IL1RAPL1: variants seen among roughly 807,000 people sequenced by gnomAD.
The protein encoded by IL1RAPL1 is interleukin 1 receptor accessory protein like 1.
In IL1RAPL1, 3 loss-of-function variants were observed where a neutral mutation model predicts 48.4. That is an observed-to-expected ratio of 0.06 (90% CI 0.03 to 0.16). IL1RAPL1 has a LOEUF of 0.16. Among genes scored for constraint, IL1RAPL1 ranks in the 10% least tolerant of loss-of-function variants. The pLI, the probability that IL1RAPL1 is intolerant of heterozygous loss-of-function variation, is 1.00. For missense variants in IL1RAPL1, 349 were observed against 530.6 expected, an observed-to-expected ratio of 0.66 and a Z score of 3.36; for synonymous variants, 185 against 187.7, an observed-to-expected ratio of 0.99 and a Z score of 0.12.
intron 1 of IL1RAPL1, among the ~76,000 whole-genome samples, chrX:28,759,002 C>T (rs1454455954): frequency 1.8e-5 from 2 of 111,916 alleles, no homozygotes; most frequent in East Asian, 2.8e-4. Context: ...TTTGGGAGGC[C>T]GAGGAGGGCA....
At chrX:29,552,802 C>CTTTTTTT (rs765234944) in intron 5 of IL1RAPL1, among the ~76,000 whole-genome samples, 24 of 23,006 alleles carry the variant, frequency 1.0e-3, no homozygotes, top group East Asian at 2.2e-3. Flanking sequence ...TTTCACTCTC[C>CTTTTTTT]TTTTTTTTTT....
intron 6 of IL1RAPL1, among the ~76,000 whole-genome samples, chrX:29,698,367 C>A (rs920818806): frequency 9.0e-6 from 1 of 110,647 alleles, no homozygotes; most frequent in Admixed American, 9.7e-5. Context: ...GCTTAAATAT[C>A]AAATCCTCAA....
At chrX:28,710,820 G>A (rs192407236) in intron 1 of IL1RAPL1, among the ~76,000 whole-genome samples, 14 of 111,707 alleles carry the variant, frequency 1.3e-4, no homozygotes, top group Middle Eastern at 4.7e-3. Context: ...TGAAACCTGC[G>A]GAATATTTCC....
chrX:29,734,669 T>C (rs1171077365), intron 6 of IL1RAPL1, among the ~76,000 whole-genome samples: 1 of 112,326 alleles, frequency 8.9e-6, no homozygotes, highest in African/African-American at 3.2e-5. Flanking sequence ...TTTGGAAACA[T>C]CTCCCTTCAA....
In IL1RAPL1 at chrX:29,124,766, G is replaced by A. The variant is rs193289673; in HGVS notation, c.83-158172G>A. On this transcript the variant is annotated intron_variant, in intron 2 of 10. Coordinates refer to ENST00000378993, the MANE Select transcript of IL1RAPL1 (RefSeq NM_014271.4). The stretch of plus-strand genomic sequence containing the variant: ...ATAGAGCATATAAAAGAATAAGAAA[G>A]TAATGATAAAACAGAACTTACAGTG... 1.3e-3 allele frequency among the ~76,000 whole-genome samples: 146 copies of A among 112,038 alleles called. 1 individual carries two copies. Among genetic ancestry groups the A allele is most frequent in the Middle Eastern group, 4.7e-3 (1 of 212 alleles).
intron 3 of IL1RAPL1, among the ~76,000 whole-genome samples, chrX:29,364,852 C>T (rs771031482): frequency 9.0e-6 from 1 of 110,897 alleles, no homozygotes; most frequent in East Asian, 2.8e-4. Flanking sequence ...GGTCCTAGAA[C>T]CAATTCCCCA....
At chrX:28,935,796 C>T (rs1307132511) in intron 2 of IL1RAPL1, among the ~76,000 whole-genome samples, 2 of 111,680 alleles carry the variant, frequency 1.8e-5, no homozygotes, top group Non-Finnish European at 3.8e-5. Context: ...AATGCTGCCC[C>T]GCTAAGATGC....
intron 6 of IL1RAPL1, among the ~76,000 whole-genome samples, chrX:29,831,280 C>A (rs1365194382): frequency 9.0e-6 from 1 of 111,349 alleles, no homozygotes; most frequent in East Asian, 2.8e-4. Context: ...GGCTCTTACC[C>A]TCCAGTAAAA....
intron 2 of IL1RAPL1, among the ~76,000 whole-genome samples, chrX:29,011,293 C>T (rs1201451130): frequency 8.9e-6 from 1 of 111,923 alleles, no homozygotes; most frequent in South Asian, 3.7e-4. Flanking sequence ...CCAAGAGAAA[C>T]GAAAGCATAT....
At chrX:29,668,407 T>C in intron 5 of IL1RAPL1, 23 bp from the exon 6 acceptor site, 3 of 1,143,146 alleles carry the variant, frequency 2.6e-6, no homozygotes, top group Non-Finnish European at 2.4e-6. Flanking sequence ...AGTCTCTGTA[T>C]TATTATTGTT....
chrX:29,507,596 C>T (rs760808433), intron 5 of IL1RAPL1, among the ~76,000 whole-genome samples: 1 of 101,874 alleles, frequency 9.8e-6, no homozygotes, highest in South Asian at 4.9e-4. Context: ...TGCTATGTTG[C>T]CTAGGCTGGA....
intron 5 of IL1RAPL1, among the ~76,000 whole-genome samples, chrX:29,444,676 A>G (rs1418760599): frequency 8.9e-6 from 1 of 112,142 alleles, no homozygotes; most frequent in Non-Finnish European, 1.9e-5. Flanking sequence ...CAATGAGATC[A>G]GCAGGGTGTT....
rs141380718 is a variant in IL1RAPL1 at position 29,839,324 on chromosome X, G to A, written c.779-78140G>A. Among the ~76,000 whole-genome samples the A allele has an allele frequency of 9.8e-3, 1,092 of 111,951 alleles. 12 individuals are homozygous for A. The highest frequency in any genetic ancestry group is 0.033 in the African/African-American group (1,028 of 30,806). ...GGCACATTGGAGACACATAATAAATGTTGGCCCTCTTTTCTCTGACAGATA... is the reference window on the plus strand; with the variant it reads ...GGCACATTGGAGACACATAATAAATATTGGCCCTCTTTTCTCTGACAGATA... On this transcript the variant is annotated intron_variant, in intron 6 of 10. Transcript: ENST00000378993.
chrX:29,586,932 C>A (rs1248002631), intron 5 of IL1RAPL1, among the ~76,000 whole-genome samples: 1 of 110,982 alleles, frequency 9.0e-6, no homozygotes, highest in African/African-American at 3.3e-5. Flanking sequence ...TTGGTGGAAT[C>A]TTTAAGATTT....
intron 2 of IL1RAPL1, among the ~76,000 whole-genome samples, chrX:29,098,434 A>G (rs1049631251): frequency 1.8e-5 from 2 of 112,528 alleles, no homozygotes; most frequent in African/African-American, 6.5e-5. Context: ...TACAATTATT[A>G]TAATGTATCA....
chrX:29,239,596 T>G (rs983376876), intron 2 of IL1RAPL1, among the ~76,000 whole-genome samples: 8 of 112,414 alleles, frequency 7.1e-5, no homozygotes, highest in Non-Finnish European at 1.3e-4. Flanking sequence ...TTCCTTTGCC[T>G]TTTCCAACTT....
chrX:28,710,103 A>G (rs1935422636), intron 1 of IL1RAPL1, among the ~76,000 whole-genome samples: 1 of 110,968 alleles, frequency 9.0e-6, no homozygotes, highest in African/African-American at 3.3e-5. Context: ...TTTAAAAATT[A>G]ATCAAGTCAA....
At chrX:29,481,100 A>G (rs1207392459) in intron 5 of IL1RAPL1, among the ~76,000 whole-genome samples, 2 of 112,492 alleles carry the variant, frequency 1.8e-5, no homozygotes, top group African/African-American at 3.2e-5. Context: ...AAATCAGCCA[A>G]TAATTTAAGT....
At chrX:29,772,252 TA>T (rs67864442) in intron 6 of IL1RAPL1, among the ~76,000 whole-genome samples, 36,938 of 94,785 alleles carry the variant, frequency 0.39, 5,682 homozygotes, top group East Asian at 0.56. Context: ...CCCTGTTTCT[TA>T]AAAAAAAAAA....
Sources: allele counts gnomAD v4.1 joint callset (sites outside exome capture counted in the v4.1 genomes callset), GRCh38; gene constraint gnomAD v4.1.1; transcripts MANE v1.5; gene names NCBI Gene and HGNC (gene_info 2026-07-23, HGNC 2026-07-21).